NUP50: variants seen among roughly 807,000 people sequenced by gnomAD.
The protein encoded by NUP50 is nuclear pore complex protein Nup50.
In NUP50, 14 loss-of-function variants were observed where a neutral mutation model predicts 36.8. The ratio of observed to expected loss-of-function variants is 0.38; its 90% confidence interval spans 0.25 to 0.59. The LOEUF (loss-of-function observed/expected upper bound fraction) is 0.59, where lower values mean the gene tolerates loss of function less well. Among genes scored for constraint, NUP50 ranks in the 20% least tolerant of loss-of-function variants. The pLI is 0.63. For synonymous variants in NUP50, 195 were observed against 210.8 expected, an observed-to-expected ratio of 0.93 and a Z score of 0.65; for missense variants, 455 against 564.6, an observed-to-expected ratio of 0.81 and a Z score of 1.97.
rs41279807 is a variant in NUP50, at chr22:45,178,395, C to T, written c.498C>T (p.Ser166=). ...YHKQLAALNC[S]VRDWIVKHVN... Reference sequence around the variant, plus strand: ...AGCAGTTGGCCGCCTTGAACTGCTCCGTGCGGGATTGGATAGTGAAGCACG... The same window carrying T: ...AGCAGTTGGCCGCCTTGAACTGCTCTGTGCGGGATTGGATAGTGAAGCACG... The change falls in exon 5 of 8, where the codon TCC becomes TCT. Residue 166 remains serine (S), a synonymous_variant. Transcript: ENST00000347635. 15,909 of 1,613,826 alleles carry T rather than the reference C, an allele frequency of 9.9e-3. 69 individuals carry two copies. Among genetic ancestry groups the T allele is most frequent in the Middle Eastern group, 0.026 (158 of 6,056 alleles).
rs1195556813 is a variant in NUP50 at position 45,164,147 on chromosome 22, AC to A, written c.-159del. The stretch of plus-strand genomic sequence containing the variant: ...GTTTGAGTCTCTGGGCTTGCCGAGC[AC>A]TAAGTCCTCTGAGTTCCGCAGCGCA... On this transcript the variant is annotated 5_prime_UTR_variant, in exon 1 of 8. Coordinates refer to ENST00000347635, the MANE Select transcript of NUP50 (RefSeq NM_007172.4). 1 of 152,318 alleles carries A rather than the reference AC, an allele frequency of 6.6e-6. No homozygotes were observed. Among genetic ancestry groups the A allele is most frequent in the East Asian group, 1.9e-4 (1 of 5,178 alleles). The allele number at this position is 152,318 out of a possible 1,614,324, so 9.4% of individuals were successfully genotyped here.
At chr22:45,168,268 A>G in intron 2 of NUP50, 22 bp downstream of exon 2, 1 of 1,578,572 alleles carries the variant, frequency 6.3e-7, no homozygotes, top group South Asian at 1.2e-5. Flanking sequence ...CTTCCCTAAG[A>G]ATGATTTCCT....
chr22:45,175,938 A>G lies in NUP50; in HGVS notation c.198A>G (p.Val66=), dbSNP rs1344769216. 6.2e-7 allele frequency: 1 copy of G among 1,614,102 alleles called. No homozygotes were observed. Among genetic ancestry groups the G allele is most frequent in the South Asian group, 1.1e-5 (1 of 91,084 alleles). ...GAFKGFKGLV[V]PSGGGRFSGF... is the part of the protein sequence containing the mutation. The stretch of plus-strand genomic sequence containing the variant: ...TTAAAGGTTTTAAAGGTTTGGTGGT[A>G]CCTTCTGGAGGAGGACGCTTTTCTG... The change falls in exon 4 of 8, where the codon GTA becomes GTG. Residue 66 remains valine, a synonymous_variant. Coordinates refer to ENST00000347635, the MANE Select transcript of NUP50 (RefSeq NM_007172.4).
intron 6 of NUP50, 92 bp downstream of exon 6, chr22:45,181,459 C>A: frequency 2.6e-6 from 2 of 764,296 alleles, no homozygotes; most frequent in Non-Finnish European, 4.2e-6. Flanking sequence ...CTTGACTGAG[C>A]TTCCAGTCTC....
At position 45,186,509 on chromosome 22, in the gene NUP50, C is replaced by G. The variant is rs901896342; in HGVS notation, c.*1854C>G. 1 of 152,386 alleles carries G rather than the reference C, an allele frequency of 6.6e-6. No homozygotes were observed. Among genetic ancestry groups the G allele is most frequent in the Non-Finnish European group, 1.5e-5 (1 of 68,038 alleles). The allele number at this position is 152,386 out of a possible 1,614,324, so 9.4% of individuals were successfully genotyped here. ...GGTACCAGCTGGAATCAGCAGCTCA[C>G]AGGCATCTTCAGGACACTTCAGTGT... On this transcript the variant is annotated 3_prime_UTR_variant, in exon 8 of 8. Coordinates refer to ENST00000347635, the MANE Select transcript of NUP50 (RefSeq NM_007172.4).
chr22:45,184,525 T>C lies in NUP50; in HGVS notation c.1277T>C (p.Ile426Thr). The C allele has an allele frequency of 1.9e-6, 3 of 1,613,660 alleles. No homozygotes were observed. Among genetic ancestry groups the C allele is most frequent in the Non-Finnish European group, 2.5e-6 (3 of 1,179,586 alleles). The stretch of plus-strand genomic sequence containing the variant: ...CGAACAGGGAAGAATAACGTTCTTA[T>C]CGTCTGTGTTCCAAATCCACCAATT... ...CTRTGKNNVL[I>T]VCVPNPPIDE... is the part of the protein sequence containing the mutation. The change falls in exon 8 of 8, where the codon ATC becomes ACC. Residue 426 changes from isoleucine (I) to threonine (T), a missense_variant. Physicochemically the swap from Ile to Thr is moderately conservative, Grantham distance 89. Around this residue, in one of 3 missense-constraint regions of NUP50, gnomAD observed 287 missense variants for 345.5 expected, o/e 0.83. Transcript: ENST00000347635.
At chr22:45,181,420 G>T in intron 6 of NUP50, 53 bp downstream of exon 6, 1 of 1,186,842 alleles carries the variant, frequency 8.4e-7, no homozygotes, top group Non-Finnish European at 1.2e-6. Flanking sequence ...ATGGTGGCAT[G>T]CTTCAGGCTG....
At chr22:45,180,403 C>T (rs1184555810) in intron 5 of NUP50, 3 of 152,176 alleles carry the variant, frequency 2.0e-5, no homozygotes, top group Admixed American at 6.5e-5. Context: ...GACAGGGTCT[C>T]GTTCTGTCAC....
intron 3 of NUP50, chr22:45,172,244 G>C (rs1332787576): frequency 6.6e-6 from 1 of 152,436 alleles, no homozygotes; most frequent in Non-Finnish European, 1.5e-5. Flanking sequence ...ATACATTCTA[G>C]ACCCAGGAGA....
intron 6 of NUP50, 44 bp downstream of exon 6, chr22:45,181,411 TG>T: frequency 7.7e-7 from 1 of 1,299,916 alleles, no homozygotes; most frequent in Non-Finnish European, 1.1e-6. Context: ...TTTGCAGGCA[TG>T]GTGGCATGCT....
rs748021618 is a variant in NUP50, at chr22:45,184,705, C to T, written c.*50C>T. 2.9e-5 allele frequency: 39 copies of T among 1,335,260 alleles called. No individual in the cohort carries two copies. In the Admixed American group the frequency reaches 3.8e-4, roughly 13 times the overall value. The allele number at this position is 1,335,260 out of a possible 1,614,324, so 82.7% of individuals were successfully genotyped here. A position where few individuals can be genotyped will look rare whatever the true frequency, so the allele number is the denominator to read the frequency against. On this transcript the variant is annotated 3_prime_UTR_variant, in exon 8 of 8. Transcript: ENST00000347635. ...ATTGCCAAGTTGCTGCTGCTTCCACCGCCCCTTAAAGTTAGTCAGTTTTTC... is the reference window on the plus strand; with the variant it reads ...ATTGCCAAGTTGCTGCTGCTTCCACTGCCCCTTAAAGTTAGTCAGTTTTTC...
intron 2 of NUP50, chr22:45,170,858 CA>C (rs2074180681): frequency 2.2e-6 from 1 of 457,626 alleles, no homozygotes; most frequent in African/African-American, 2.1e-5. Flanking sequence ...TAGTTAAGTA[CA>C]TTTAACTTGG....
intron 5 of NUP50, chr22:45,179,142 CTT>C: frequency 2.4e-6 from 1 of 408,658 alleles, no homozygotes; most frequent in Non-Finnish European, 4.3e-6. Flanking sequence ...AAACACCTGA[CTT>C]TGAAAAGTCT....
At position 45,163,960 on chromosome 22, in the gene NUP50, TTC is replaced by T. The variant is rs1438767839; in HGVS notation, c.-345_-344del. 2.6e-5 allele frequency: 4 copies of T among 151,844 alleles called. No individual in the cohort carries two copies. Among genetic ancestry groups the T allele is most frequent in the African/African-American group, 9.7e-5 (4 of 41,376 alleles). The allele number at this position is 151,844 out of a possible 1,614,324, so 9.4% of individuals were successfully genotyped here. On this transcript the variant is annotated 5_prime_UTR_variant, in exon 1 of 8. Coordinates refer to ENST00000347635, the MANE Select transcript of NUP50 (RefSeq NM_007172.4). ...TTGCGCAGTAGCTGAACGCGGGCGT[TTC>T]TTTCCTCCCTTTTTTTCGAATTGGT...
chr22:45,182,533 C>T (rs1267101383), intron 6 of NUP50, among the ~76,000 whole-genome samples: 1 of 151,074 alleles, frequency 6.6e-6, no homozygotes, highest in Non-Finnish European at 1.5e-5. Flanking sequence ...TATTTGATTA[C>T]TTTGTTATTA....
At chr22:45,172,766 G>A (rs903392920) in intron 3 of NUP50, among the ~76,000 whole-genome samples, 13 of 152,160 alleles carry the variant, frequency 8.5e-5, no homozygotes, top group African/African-American at 2.9e-4. Context: ...GGCAGTGGTG[G>A]GGAGGCAGTC....
At position 45,184,567 on chromosome 22, in the gene NUP50, C is replaced by T. The variant is rs1476184357; in HGVS notation, c.1319C>T (p.Thr440Ile). The T allele has an allele frequency of 6.2e-7, 1 of 1,611,340 alleles. No individual in the cohort carries two copies. The highest frequency in any genetic ancestry group is 8.5e-7 in the Non-Finnish European group (1 of 1,177,594). ...PNPPIDEKNATMPVTMLIRVK... is the reference protein window; with the variant it reads ...PNPPIDEKNAIMPVTMLIRVK... The stretch of plus-strand genomic sequence containing the variant: ...CCACCAATTGACGAGAAGAATGCCA[C>T]CATGCCAGTCACCATGTTGATTCGG... The change falls in exon 8 of 8, where the codon ACC becomes ATC. Residue 440 changes from threonine (T) to isoleucine (I), a missense_variant. This residue lies in a region of NUP50 where 287 missense variants were observed against 345.5 expected (regional missense o/e 0.83). Coordinates refer to ENST00000347635, the MANE Select transcript of NUP50 (RefSeq NM_007172.4).
chr22:45,184,411 T>C (rs1209158241), intron 7 of NUP50, 42 bp from the exon 8 acceptor site: 2 of 1,560,250 alleles, frequency 1.3e-6, no homozygotes, highest in Non-Finnish European at 1.8e-6. Context: ...GGTGGAGCTA[T>C]AGCTTCTATA....
In NUP50 at chr22:45,178,052, G is replaced by A. The variant is rs567203585; in HGVS notation, c.341-186G>A. On this transcript the variant is annotated intron_variant, in intron 4 of 7. Coordinates refer to ENST00000347635, the MANE Select transcript of NUP50 (RefSeq NM_007172.4). ...GAGGCAGGAGAATCGCTTGAACCTGGGAGGCAGAGGTTGCAGTGAGCCAAG... is the reference window on the plus strand; with the variant it reads ...GAGGCAGGAGAATCGCTTGAACCTGAGAGGCAGAGGTTGCAGTGAGCCAAG... 322 of 583,486 alleles carry A rather than the reference G, an allele frequency of 5.5e-4. 5 individuals carry two copies. The South Asian group carries it at 6.6e-3, about 12-fold the overall frequency. The allele number at this position is 583,486 out of a possible 1,614,324, so 36.1% of individuals were successfully genotyped here.
Sources: gnomAD v4.1 joint callset for allele counts (sites outside exome capture counted in the v4.1 genomes callset) on GRCh38, gnomAD v4.1.1 for gene constraint, gnomAD v4.1.1 regional missense constraint, MANE v1.5 for transcripts, NCBI Gene and HGNC (gene_info 2026-07-23, HGNC 2026-07-21) for gene names.